The following HPSE2 variants were observed in gnomAD, a reference collection of about 807,000 sequenced individuals.
HPSE2 encodes the protein inactive heparanase-2.
HPSE2 carries 38 observed loss-of-function variants against 60.5 expected under a neutral mutation model. That is an observed-to-expected ratio of 0.63 (90% CI 0.48 to 0.82). HPSE2 has a LOEUF of 0.82. Ranked by LOEUF, HPSE2 falls within the 40% of genes least tolerant of loss-of-function variation. The pLI is 0.00. For synonymous variants in HPSE2, 295 were observed against 293.2 expected (o/e 1.01, Z -0.06); for missense variants, 713 against 740.4 (o/e 0.96, Z 0.43).
chr10:98,469,627 CCTGGATTTCAAGGCCTT>C (rs1333188636), intron 11 of HPSE2, among the ~76,000 whole-genome samples: 1 of 152,154 alleles, frequency 6.6e-6, no homozygotes, highest in African/African-American at 2.4e-5. Context: ...TCAGACTTAG[CCTGGATTTCAAGGCCTT>C]CTGCAGTCTG....
chr10:99,240,623 A>C (rs1849920469), upstream of HPSE2, among the ~76,000 whole-genome samples: 1 of 152,090 alleles, frequency 6.6e-6, no homozygotes, highest in Non-Finnish European at 1.5e-5. Flanking sequence ...CGTGTTAGCC[A>C]GGATGGTCTT....
At chr10:98,545,310 C>T (rs970653538) in intron 9 of HPSE2, among the ~76,000 whole-genome samples, 1 of 152,002 alleles carries the variant, frequency 6.6e-6, no homozygotes, top group Non-Finnish European at 1.5e-5. Flanking sequence ...TTTATGAGGC[C>T]AGCATCATCC....
At chr10:98,751,824 A>G (rs1949764930) in intron 3 of HPSE2, among the ~76,000 whole-genome samples, 1 of 152,236 alleles carries the variant, frequency 6.6e-6, no homozygotes, top group South Asian at 2.1e-4. Flanking sequence ...ACTAGGGATG[A>G]CATCTTAAGT....
intron 3 of HPSE2, among the ~76,000 whole-genome samples, chr10:98,854,980 G>A (rs552681677): frequency 6.6e-5 from 10 of 152,282 alleles, no homozygotes; most frequent in South Asian, 4.1e-4. Flanking sequence ...GAACTTCACT[G>A]TCACCTTAAT....
At chr10:98,727,250 A>C (rs1452492177) in intron 4 of HPSE2, among the ~76,000 whole-genome samples, 1 of 152,190 alleles carries the variant, frequency 6.6e-6, no homozygotes, top group Non-Finnish European at 1.5e-5. Flanking sequence ...TATACATGAA[A>C]AAAATAGAAA....
chr10:99,123,880 A>G (rs984899670), intron 3 of HPSE2, among the ~76,000 whole-genome samples: 4 of 152,092 alleles, frequency 2.6e-5, no homozygotes, highest in African/African-American at 9.7e-5. Context: ...GGTCGTCCTG[A>G]CAATTGTGCA....
intron 3 of HPSE2, among the ~76,000 whole-genome samples, chr10:98,839,625 C>T (rs1951865687): frequency 6.6e-6 from 1 of 152,118 alleles, no homozygotes; most frequent in Non-Finnish European, 1.5e-5. Context: ...TTTTATATTC[C>T]TCACAGGAAC....
intron 3 of HPSE2, among the ~76,000 whole-genome samples, chr10:98,960,706 T>TA (rs1955638216): frequency 1.9e-5 from 1 of 53,828 alleles, no homozygotes; most frequent in African/African-American, 9.5e-5. Context: ...CATTTCTTTT[T>TA]TTTTTTTTTT....
the HPSE2 span, among the ~76,000 whole-genome samples, chr10:99,300,702 G>A: frequency 1.3e-5 from 2 of 152,192 alleles, no homozygotes; most frequent in African/African-American, 4.8e-5. Context: ...TCTTAACACA[G>A]ATAAGAAGAC....
intron 3 of HPSE2, among the ~76,000 whole-genome samples, chr10:98,872,067 C>G (rs934462901): frequency 6.6e-6 from 1 of 151,958 alleles, no homozygotes; most frequent in African/African-American, 2.4e-5. Context: ...CTTCTATATA[C>G]CACTGTATCC....
intron 3 of HPSE2, among the ~76,000 whole-genome samples, chr10:99,132,229 G>A (rs199766473): frequency 0.21 from 3,404 of 16,184 alleles, 525 homozygotes; most frequent in Admixed American, 0.27. Flanking sequence ...GAGAGAGAGA[G>A]AGAGAGAGAG....
At chr10:98,842,320 T>G (rs185059501) in intron 3 of HPSE2, among the ~76,000 whole-genome samples, 15 of 152,274 alleles carry the variant, frequency 9.9e-5, no homozygotes, top group African/African-American at 3.6e-4. Context: ...GTGCTTTACC[T>G]AGTAGTGACA....
chr10:99,058,773 G>A (rs977217400), intron 3 of HPSE2, among the ~76,000 whole-genome samples: 2 of 152,114 alleles, frequency 1.3e-5, no homozygotes, highest in Non-Finnish European at 2.9e-5. Flanking sequence ...ATTTGAAGGT[G>A]GAGTTGGGTG....
chr10:99,110,652 A>T (rs1844422314), intron 3 of HPSE2, among the ~76,000 whole-genome samples: 1 of 152,286 alleles, frequency 6.6e-6, no homozygotes, highest in Non-Finnish European at 1.5e-5. Context: ...ACAGAAGAAA[A>T]ATACCACTTT....
At chr10:98,486,276 C>A (rs765815985) in intron 10 of HPSE2, among the ~76,000 whole-genome samples, 1 of 152,118 alleles carries the variant, frequency 6.6e-6, no homozygotes, top group Non-Finnish European at 1.5e-5. Flanking sequence ...GAAAAATAAT[C>A]TTGGAGAAAA....
chr10:98,890,114 A>G (rs945404025), intron 3 of HPSE2, among the ~76,000 whole-genome samples: 1 of 152,214 alleles, frequency 6.6e-6, no homozygotes, highest in African/African-American at 2.4e-5. Context: ...CGAGAATTAA[A>G]TTAAATTCAG....
intron 9 of HPSE2, among the ~76,000 whole-genome samples, chr10:98,606,430 A>G (rs545872934): frequency 6.6e-6 from 1 of 152,356 alleles, no homozygotes; most frequent in Admixed American, 6.5e-5. Context: ...TTGGTGCCTA[A>G]GCACAGGTAT....
intron 6 of HPSE2, among the ~76,000 whole-genome samples, chr10:98,650,213 A>C (rs1259320251): frequency 6.6e-6 from 1 of 152,314 alleles, no homozygotes; most frequent in East Asian, 1.9e-4. Flanking sequence ...TGAATGGAAA[A>C]GTCTCTGAGG....
intron 3 of HPSE2, among the ~76,000 whole-genome samples, chr10:99,021,458 C>T (rs1957260659): frequency 6.6e-6 from 1 of 152,110 alleles, no homozygotes; most frequent in Admixed American, 6.6e-5. Context: ...CTTCAAAGCT[C>T]ATGTTCCTGG....
Sources: gnomAD v4.1 joint callset for allele counts (sites outside exome capture counted in the v4.1 genomes callset) on GRCh38, gnomAD v4.1.1 for gene constraint, MANE v1.5 for transcripts, NCBI Gene and HGNC (gene_info 2026-07-23, HGNC 2026-07-21) for gene names.